The following ADAR variants were observed in gnomAD, a reference collection of about 807,000 sequenced individuals.
ADAR encodes the protein adenosine deaminase RNA specific.
Under a neutral mutation model 113.2 loss-of-function variants are expected in ADAR, and 41 were observed. The ratio of observed to expected loss-of-function variants is 0.36; its 90% confidence interval spans 0.28 to 0.47. The LOEUF (loss-of-function observed/expected upper bound fraction) is 0.47. Among genes scored for constraint, ADAR ranks in the 20% least tolerant of loss-of-function variants. The pLI, the probability that ADAR is intolerant of heterozygous loss-of-function variation, is 1.00. For synonymous variants in ADAR, 605 were observed against 572.6 expected (o/e 1.06, Z -0.81); for missense variants, 1,242 against 1,540.9 (o/e 0.81, Z 3.25).
chr1:154,603,207 T>A (rs765968871), intron 1 of ADAR, among the ~76,000 whole-genome samples: 1 of 152,128 alleles, frequency 6.6e-6, no homozygotes, highest in Non-Finnish European at 1.5e-5. Flanking sequence ...TGGATGAAAC[T>A]GAACCCCAGT....
intron 13 of ADAR, 174 bp downstream of exon 13, chr1:154,585,579 T>A: frequency 1.1e-6 from 1 of 879,096 alleles, no homozygotes; most frequent in Non-Finnish European, 1.8e-6. Context: ...GAAGAAAGTT[T>A]AAGTTCTTGG....
At chr1:154,625,324 T>C (rs573139494) in intron 1 of ADAR, among the ~76,000 whole-genome samples, 1 of 151,970 alleles carries the variant, frequency 6.6e-6, no homozygotes, top group East Asian at 1.9e-4. Flanking sequence ...TCAAACCACA[T>C]AGCCTGATGA....
chr1:154,610,808 C>CAAAAAAAAAAAAA (rs1369386387), upstream of ADAR, among the ~76,000 whole-genome samples: 68 of 40,530 alleles, frequency 1.7e-3, 5 homozygotes, highest in Non-Finnish European at 2.5e-3. Context: ...GACACCGTCT[C>CAAAAAAAAAAAAA]AAAAAAAAAA....
In ADAR at chr1:154,590,366, C is replaced by A; in HGVS notation, c.2314G>T (p.Val772Phe). ...AKVGGRWFPA[V>F]CAHSKKQGKQ... ...CCTTGCTTCTTGCTGTGTGCGCAGACGGCTGGGAACCAGCGACCCCCAACT... is the reference window on the plus strand; with the variant it reads ...CCTTGCTTCTTGCTGTGTGCGCAGAAGGCTGGGAACCAGCGACCCCCAACT... The change falls in exon 7 of 15, where the codon GTC (valine) becomes TTC (phenylalanine). Residue 772 changes from valine to phenylalanine, a missense_variant. By Grantham distance (50) the Val-to-Phe change is conservative. Transcript: ENST00000368474. 6.2e-7 allele frequency: 1 copy of A among 1,614,078 alleles called. No individual in the cohort carries two copies.
At chr1:154,620,819 T>C (rs1341475021) in intron 1 of ADAR, among the ~76,000 whole-genome samples, 1 of 152,164 alleles carries the variant, frequency 6.6e-6, no homozygotes, top group African/African-American at 2.4e-5. Flanking sequence ...TTTGTTAAAA[T>C]ACATTGAAAG....
upstream of ADAR, among the ~76,000 whole-genome samples, chr1:154,611,478 C>G (rs1200251428): frequency 6.6e-6 from 1 of 151,104 alleles, no homozygotes; most frequent in Non-Finnish European, 1.5e-5. Context: ...TTTTTTTTAA[C>G]TGTTCTATTG....
At chr1:154,586,439 T>C (rs1340162194) in intron 11 of ADAR, 76 bp from the exon 12 acceptor site, 10 of 1,434,216 alleles carry the variant, frequency 7.0e-6, no homozygotes, top group Middle Eastern at 2.3e-4. Flanking sequence ...CTATCCTCCT[T>C]AAGCTTGGGC....
At chr1:154,603,949 C>A (rs1232559872) in intron 1 of ADAR, among the ~76,000 whole-genome samples, 1 of 152,160 alleles carries the variant, frequency 6.6e-6, no homozygotes, top group African/African-American at 2.4e-5. Flanking sequence ...GTCCTGGCTA[C>A]AAGGATCCTT....
chr1:154,590,459 G>A (rs777017332), intron 6 of ADAR, 50 bp from the exon 7 acceptor site: 10 of 1,574,364 alleles, frequency 6.4e-6, no homozygotes, highest in African/African-American at 4.1e-5. Flanking sequence ...CCCTGACATT[G>A]TTCCAAGGAA....
At chr1:154,607,674 G>A (rs1262408171) in intron 1 of ADAR, among the ~76,000 whole-genome samples, 1 of 151,980 alleles carries the variant, frequency 6.6e-6, no homozygotes, top group Non-Finnish European at 1.5e-5. Flanking sequence ...TTAATGAGCA[G>A]GATACAAATT....
chr1:154,592,150 A>G (rs765877794), intron 6 of ADAR, among the ~76,000 whole-genome samples: 1 of 152,202 alleles, frequency 6.6e-6, no homozygotes, highest in Non-Finnish European at 1.5e-5. Flanking sequence ...GCCTCCTCTC[A>G]GCCTCTTTGC....
intron 5 of ADAR, 24 bp downstream of exon 5, chr1:154,597,099 C>G: frequency 6.2e-7 from 1 of 1,614,172 alleles, no homozygotes; most frequent in Non-Finnish European, 8.5e-7. Flanking sequence ...TGACCTGTAT[C>G]TTTTGAGTAG....
chr1:154,617,408 G>A (rs567588971), intron 1 of ADAR, among the ~76,000 whole-genome samples: 82 of 152,188 alleles, frequency 5.4e-4, no homozygotes, highest in Non-Finnish European at 8.8e-4. Flanking sequence ...CAGGAATTGT[G>A]GGCAGAGGTG....
chr1:154,597,112 A>G lies in ADAR; in HGVS notation c.2079+11T>C. 1 of 1,614,204 alleles carries G rather than the reference A, an allele frequency of 6.2e-7. No homozygotes were observed. The highest frequency in any genetic ancestry group is 1.1e-5 in the South Asian group (1 of 91,066). On this transcript the variant is annotated intron_variant, in intron 5 of 14. Transcript: ENST00000368474. ...AATGACCTGTATCTTTTGAGTAGGAAAACGCCCTACCTGGTTATCAGAAGC... is the reference window on the plus strand; with the variant it reads ...AATGACCTGTATCTTTTGAGTAGGAGAACGCCCTACCTGGTTATCAGAAGC...
chr1:154,588,725 G>A, intron 9 of ADAR, 52 bp from the exon 10 acceptor site: 1 of 1,612,214 alleles, frequency 6.2e-7, no homozygotes, highest in South Asian at 1.1e-5. Context: ...GGGAAAAGCA[G>A]TTGTTTCTAT....
At chr1:154,590,470 G>T in intron 6 of ADAR, 61 bp from the exon 7 acceptor site, 1 of 1,551,782 alleles carries the variant, frequency 6.4e-7, no homozygotes, top group South Asian at 1.1e-5. Context: ...TTCCAAGGAA[G>T]GGTTAGTTTT....
At chr1:154,590,138 A>AGGTGG in intron 7 of ADAR, 46 bp downstream of exon 7, 2 of 1,173,790 alleles carry the variant, frequency 1.7e-6, no homozygotes, top group Non-Finnish European at 2.5e-6. Context: ...AGGAGTTAGG[A>AGGTGG]GGACCCCCCC....
intron 1 of ADAR, among the ~76,000 whole-genome samples, chr1:154,624,343 G>A (rs564040700): frequency 6.6e-6 from 1 of 152,264 alleles, no homozygotes; most frequent in Admixed American, 6.5e-5. Flanking sequence ...CACCTATTAA[G>A]TCTGATAAAG....
rs1247822806 is a variant in ADAR at position 154,607,725 on chromosome 1, ACACACACG to A, written c.15+259_15+266del. Reference sequence around the variant, plus strand: ...CAGCAATGCTGCTTGGCAAGACTACACACACACGCACACACACACACACACACTCTCAC... The same window carrying A: ...CAGCAATGCTGCTTGGCAAGACTACACACACACACACACACACACTCTCAC... On this transcript the variant is annotated intron_variant, in intron 1 of 14. Coordinates refer to ENST00000368474, the MANE Select transcript of ADAR (RefSeq NM_001111.5). Among the ~76,000 whole-genome samples, 13 of 73,732 alleles carry A rather than the reference ACACACACG, an allele frequency of 1.8e-4. No individual in the cohort carries two copies. The East Asian group carries it at 2.4e-3, about 14-fold the overall frequency. The allele number at this position is 73,732 out of a possible 152,430, so 48.4% of individuals were successfully genotyped here. A position where few individuals can be genotyped will look rare whatever the true frequency, so the allele number is the denominator to read the frequency against.
Sources: allele counts gnomAD v4.1 joint callset (sites outside exome capture counted in the v4.1 genomes callset), GRCh38; gene constraint gnomAD v4.1.1; transcripts MANE v1.5; gene names NCBI Gene and HGNC (gene_info 2026-07-23, HGNC 2026-07-21).